The following NCOR2 variants were observed in gnomAD, a reference collection of about 807,000 sequenced individuals.
NCOR2 encodes CTG repeat protein 26.
A neutral mutation model predicts 262.9 loss-of-function variants in NCOR2; 81 were observed. The observed-to-expected ratio is 0.31, with a 90% confidence interval of 0.26 to 0.37. NCOR2 has a LOEUF of 0.37. NCOR2 is among the 10% of genes least tolerant of loss of function. NCOR2 has a pLI of 1.00. For synonymous variants in NCOR2, 1,659 were observed against 1,559.3 expected (o/e 1.06, Z -1.51); for missense variants, 3,385 against 3,621.4 (o/e 0.93, Z 1.68).
chr12:124,498,589 A>C (rs895347986), upstream of NCOR2, among the ~76,000 whole-genome samples: 1 of 152,178 alleles, frequency 6.6e-6, no homozygotes, highest in Non-Finnish European at 1.5e-5. Context: ...AAAAAAACAA[A>C]TGTTAGGGAA....
intron 10 of NCOR2, among the ~76,000 whole-genome samples, chr12:124,428,609 A>G (rs1254581903): frequency 1.3e-5 from 2 of 152,182 alleles, no homozygotes. Context: ...CCAACAGAGC[A>G]CTCTGCAGCC....
intron 21 of NCOR2, 29 bp downstream of exon 23, chr12:124,363,650 T>G (rs1755093896): frequency 7.5e-7 from 1 of 1,341,364 alleles, no homozygotes; most frequent in South Asian, 2.4e-5. Flanking sequence ...CAGGGTGGAC[T>G]CTGTGGGGCT....
rs577132008 is a variant in NCOR2, at chr12:124,429,858, G to C, written c.1056-152C>G. 5.0e-4 allele frequency: 357 copies of C among 717,790 alleles called. 3 individuals are homozygous for C. The South Asian group carries it at 6.3e-3, about 13-fold the overall frequency. 44.5% of individuals were successfully genotyped at this position (717,790 alleles called of 1,614,324 possible). A position where few individuals can be genotyped will look rare whatever the true frequency, so the allele number is the denominator to read the frequency against. On this transcript the variant is annotated intron_variant, in intron 9 of 46. Transcript: ENST00000405201. The stretch of plus-strand genomic sequence containing the variant: ...GGCCGGCCCCACACCCGGGGTCCTG[G>C]GGAGGCATGGAGCCCCCACCCCAAC...
chr12:124,492,702 T>C (rs772015525), intron 1 of NCOR2, among the ~76,000 whole-genome samples: 1 of 152,204 alleles, frequency 6.6e-6, no homozygotes, highest in Non-Finnish European at 1.5e-5. Flanking sequence ...AACTGGGTCT[T>C]GCCCTTTAAA....
chr12:124,505,365 C>G (rs2048987870), intron 1 of NCOR2, among the ~76,000 whole-genome samples: 1 of 152,232 alleles, frequency 6.6e-6, no homozygotes, highest in Non-Finnish European at 1.5e-5. Context: ...ACCTGTTTAC[C>G]GCTGTCTCCC....
rs1249748542 is a variant in NCOR2, at chr12:124,402,282, C to A, written c.1640+122G>T. 6 of 1,522,446 alleles carry A rather than the reference C, an allele frequency of 3.9e-6. No individual in the cohort carries two copies. The Admixed American group carries it at 1.1e-4, about 29-fold the overall frequency. The allele number at this position is 1,522,446 out of a possible 1,614,324, so 94.3% of individuals were successfully genotyped here. A position where few individuals can be genotyped will look rare whatever the true frequency, so the allele number is the denominator to read the frequency against. On this transcript the variant is annotated intron_variant, in intron 14 of 46. Coordinates refer to ENST00000405201, the Ensembl canonical transcript of NCOR2. Reference sequence around the variant, plus strand: ...CAGGGGCAAACGAGCAGAAAGCCCTCCCCCCTGCTCACAGGCAATTGGTGG... The same window carrying A: ...CAGGGGCAAACGAGCAGAAAGCCCTACCCCCTGCTCACAGGCAATTGGTGG...
chr12:124,422,693 G>T, intron 11 of NCOR2, 138 bp from the exon 14 acceptor site: 2 of 890,654 alleles, frequency 2.2e-6, no homozygotes, highest in Non-Finnish European at 3.5e-6. Flanking sequence ...ATTAAGCCCA[G>T]GGGGGTGTGG....
chr12:124,527,735 T>A (rs1377449493), intron 1 of NCOR2, among the ~76,000 whole-genome samples: 5 of 152,128 alleles, frequency 3.3e-5, no homozygotes, highest in African/African-American at 1.2e-4. Flanking sequence ...TTAAATAAAT[T>A]ATAACATGTG....
At chr12:124,430,952 A>G (rs371387386) in intron 8 of NCOR2, among the ~76,000 whole-genome samples, 165 bp from the exon 11 acceptor site, 136 of 152,250 alleles carry the variant, frequency 8.9e-4, no homozygotes, top group Non-Finnish European at 1.6e-3. Flanking sequence ...AGACACATAC[A>G]TACAGGCACA....
chr12:124,388,262 C>T (rs1282875773), intron 16 of NCOR2, among the ~76,000 whole-genome samples: 4 of 152,168 alleles, frequency 2.6e-5, no homozygotes, highest in Admixed American at 6.5e-5. Context: ...CCATTAGTGC[C>T]GGCCAGGGCT....
At chr12:124,424,962 G>A (rs953826364) in intron 11 of NCOR2, among the ~76,000 whole-genome samples, 5 of 152,230 alleles carry the variant, frequency 3.3e-5, no homozygotes, top group Non-Finnish European at 5.9e-5. Flanking sequence ...TCCTGGGCAG[G>A]GAACCCAGCC....
chr12:124,348,301 C>G (rs1314688825), exon 29 of NCOR2: 2 of 1,608,766 alleles, frequency 1.2e-6, no homozygotes, highest in Admixed American at 3.4e-5. Flanking sequence ...AGCACTGGGT[C>G]ACAGACATGC....
intron 1 of NCOR2, among the ~76,000 whole-genome samples, chr12:124,518,907 C>G (rs908472963): frequency 1.3e-5 from 2 of 152,196 alleles, no homozygotes; most frequent in Admixed American, 1.3e-4. Flanking sequence ...ACCCAGGCCT[C>G]GGCCCATCCC....
intron 8 of NCOR2, among the ~76,000 whole-genome samples, chr12:124,436,024 G>A (rs976436131): frequency 2.6e-5 from 4 of 152,140 alleles, no homozygotes; most frequent in Non-Finnish European, 2.9e-5. Context: ...CAGGGTGTGC[G>A]GGCATCCTCC....
At chr12:124,429,633 C>T (rs1236424415) in exon 10 of NCOR2, 5 of 1,607,726 alleles carry the variant, frequency 3.1e-6, no homozygotes, top group East Asian at 2.2e-5. Flanking sequence ...GAGAGGCCAT[C>T]GATGATCTCT....
At chr12:124,560,577 T>A (rs1225987957) in intron 1 of NCOR2, among the ~76,000 whole-genome samples, 1 of 152,258 alleles carries the variant, frequency 6.6e-6, no homozygotes, top group Non-Finnish European at 1.5e-5. Context: ...TCACGTAGGA[T>A]GTGACTATGA....
At chr12:124,333,897 C>CGCGCGTGTGTGTGT (rs1555299266) in intron 41 of NCOR2, among the ~76,000 whole-genome samples, 1,344 of 123,690 alleles carry the variant, frequency 0.011, 31 homozygotes, top group African/African-American at 0.034. Flanking sequence ...TGTGTGTGTG[C>CGCGCGTGTGTGTGT]GCGCGCATGT....
At chr12:124,458,892 G>A (rs889586561) in intron 5 of NCOR2, among the ~76,000 whole-genome samples, 3 of 152,274 alleles carry the variant, frequency 2.0e-5, no homozygotes, top group African/African-American at 7.2e-5. Context: ...GGGTACTGAA[G>A]ATGGGAGAAC....
At chr12:124,386,048 G>GTGTC (rs1465613703) in intron 16 of NCOR2, among the ~76,000 whole-genome samples, 161 bp from the exon 19 acceptor site, 7 of 152,164 alleles carry the variant, frequency 4.6e-5, no homozygotes, top group African/African-American at 1.7e-4. Context: ...GATGGGCCAC[G>GTGTC]TGTCCCCTAG....
Sources: gnomAD v4.1 joint callset for allele counts (sites outside exome capture counted in the v4.1 genomes callset) on GRCh38, gnomAD v4.1.1 for gene constraint, MANE v1.5 for transcripts, NCBI Gene and HGNC (gene_info 2026-07-23, HGNC 2026-07-21) for gene names.